Variants in STK3 observed in about 807,000 individuals in gnomAD.
STK3 encodes serine/threonine-protein kinase 3.
STK3 carries 41 observed loss-of-function variants against 58.0 expected under a neutral mutation model. The ratio of observed to expected loss-of-function variants is 0.71; its 90% CI spans 0.55 to 0.92. STK3 has a LOEUF of 0.92. Among genes scored for constraint, STK3 ranks in the 40% least tolerant of loss-of-function variants. The pLI is 0.00. For synonymous variants in STK3, 170 were observed against 191.0 expected (o/e 0.89, Z 0.91); for missense variants, 479 against 602.7 (o/e 0.79, Z 2.15).
At chr8:98,754,141 G>C (rs1168425133) in intron 3 of STK3, among the ~76,000 whole-genome samples, 3 of 152,110 alleles carry the variant, frequency 2.0e-5, no homozygotes, top group African/African-American at 7.2e-5. Context: ...GCTAGGTCTT[G>C]GGAATTGAAA....
At chr8:98,665,462 T>C (rs1822268663) in intron 6 of STK3, among the ~76,000 whole-genome samples, 2 of 152,110 alleles carry the variant, frequency 1.3e-5, no homozygotes, top group Non-Finnish European at 2.9e-5. Context: ...AGTGGCACAA[T>C]CATGACTCAC....
At chr8:98,677,692 T>C (rs1328996688) in intron 6 of STK3, among the ~76,000 whole-genome samples, 1 of 152,184 alleles carries the variant, frequency 6.6e-6, no homozygotes, top group African/African-American at 2.4e-5. Context: ...CTTCTCTTAC[T>C]CTCTGGTCTC....
At chr8:98,844,936 A>C (rs1836145231) in intron 3 of STK3, among the ~76,000 whole-genome samples, 1 of 152,218 alleles carries the variant, frequency 6.6e-6, no homozygotes, top group Non-Finnish European at 1.5e-5. Context: ...AGCAAAGTAC[A>C]CCAGAAGCAC....
intron 4 of STK3, among the ~76,000 whole-genome samples, chr8:98,710,023 A>G (rs982781979): frequency 6.6e-6 from 1 of 152,124 alleles, no homozygotes; most frequent in Non-Finnish European, 1.5e-5. Context: ...CAGAGCAATT[A>G]GGGAAGAAAA....
intron 6 of STK3, chr8:98,601,699 G>C (rs1816361003): frequency 6.6e-6 from 1 of 152,216 alleles, no homozygotes; most frequent in African/African-American, 2.4e-5. Flanking sequence ...GGTATGGGAA[G>C]ATGAGATTTC....
At chr8:98,446,035 C>T (rs1193451366) in intron 1 of STK3, among the ~76,000 whole-genome samples, 1 of 152,192 alleles carries the variant, frequency 6.6e-6, no homozygotes, top group Non-Finnish European at 1.5e-5. Flanking sequence ...AGACAAACTA[C>T]CCTCACTGCT....
rs1458521728 is a variant in STK3, at chr8:98,743,390, T to C, written c.351+5886A>G. 3.9e-5 allele frequency among the ~76,000 whole-genome samples: 6 copies of C among 152,114 alleles called. No homozygotes were observed. The East Asian group carries it at 5.8e-4, about 15-fold the overall frequency. ...TGGTACTGGTACCAAAACAGAGATATAGATCAATGGAACAGAACAGAGCCC... is the reference window on the plus strand; with the variant it reads ...TGGTACTGGTACCAAAACAGAGATACAGATCAATGGAACAGAACAGAGCCC... On this transcript the variant is annotated intron_variant, in intron 4 of 10. Transcript: ENST00000419617.
intron 2 of STK3, among the ~76,000 whole-genome samples, chr8:98,771,917 T>C (rs1831338067): frequency 1.3e-5 from 2 of 152,120 alleles, no homozygotes; most frequent in Admixed American, 6.6e-5. Context: ...TTTTTTTCTA[T>C]CTCATTAATT....
intron 6 of STK3, among the ~76,000 whole-genome samples, chr8:98,634,804 T>C (rs538439921): frequency 1.3e-5 from 2 of 152,264 alleles, no homozygotes; most frequent in Admixed American, 1.3e-4. Flanking sequence ...TAACCCTTTC[T>C]TTCAGAGCCA....
intron 1 of STK3, among the ~76,000 whole-genome samples, chr8:98,819,650 G>A (rs1280806517): frequency 1.3e-5 from 2 of 152,118 alleles, no homozygotes; most frequent in African/African-American, 4.8e-5. Flanking sequence ...CCTACCTCTA[G>A]AATTGGAAAT....
intron 3 of STK3, among the ~76,000 whole-genome samples, chr8:98,415,669 T>G (rs550272299): frequency 6.6e-6 from 1 of 152,346 alleles, no homozygotes; most frequent in South Asian, 2.1e-4. Context: ...TTTAAAGCCT[T>G]CATCTGAACA....
At chr8:98,354,356 T>C in the STK3 span, among the ~76,000 whole-genome samples, 1 of 152,148 alleles carries the variant, frequency 6.6e-6, no homozygotes, top group Non-Finnish European at 1.5e-5. Context: ...TGAGAAGTCT[T>C]AAAAGAAGAG....
chr8:98,699,802 C>T (rs370425763), intron 6 of STK3, among the ~76,000 whole-genome samples: 17 of 152,164 alleles, frequency 1.1e-4, no homozygotes, highest in East Asian at 1.9e-4. Context: ...TAGGCTGCTC[C>T]GGGGTCAGGG....
intron 1 of STK3, among the ~76,000 whole-genome samples, chr8:98,445,354 T>C (rs1818893846): frequency 6.6e-6 from 1 of 152,154 alleles, no homozygotes; most frequent in Non-Finnish European, 1.5e-5. Context: ...GAGCTACATA[T>C]ATAATTTTAT....
chr8:98,427,883 G>A, intron 3 of STK3: 1 of 1,079,270 alleles, frequency 9.3e-7, no homozygotes, highest in Non-Finnish European at 1.3e-6. Context: ...GTAGGGAGAG[G>A]GGGCCCCGCC....
intron 1 of STK3, among the ~76,000 whole-genome samples, chr8:98,779,107 TG>T (rs1213973239): frequency 6.6e-6 from 1 of 152,032 alleles, no homozygotes; most frequent in Non-Finnish European, 1.5e-5. Context: ...ACCTATTTCC[TG>T]GCCCCTCAGC....
chr8:98,687,826 A>T (rs1353960646), intron 6 of STK3, among the ~76,000 whole-genome samples: 1 of 152,200 alleles, frequency 6.6e-6, no homozygotes, highest in Non-Finnish European at 1.5e-5. Context: ...ACAAAAGCAC[A>T]CGTAAAGCAC....
chr8:98,593,395 T>C (rs565316189), intron 7 of STK3, among the ~76,000 whole-genome samples: 1 of 152,306 alleles, frequency 6.6e-6, no homozygotes, highest in Non-Finnish European at 1.5e-5. Context: ...TATAGATATA[T>C]GTCAACTAAA....
intron 1 of STK3, among the ~76,000 whole-genome samples, chr8:98,446,424 T>C (rs935152638): frequency 2.0e-5 from 3 of 152,214 alleles, no homozygotes; most frequent in African/African-American, 7.2e-5. Flanking sequence ...TGGGTACTCA[T>C]GGGTGCCAGG....
Sources: gnomAD v4.1 joint callset for allele counts (sites outside exome capture counted in the v4.1 genomes callset) on GRCh38, gnomAD v4.1.1 for gene constraint, MANE v1.5 for transcripts, NCBI Gene and HGNC (gene_info 2026-07-23, HGNC 2026-07-21) for gene names.